BRINP2: variants seen among roughly 807,000 people sequenced by gnomAD.
BRINP2 encodes the protein BMP/retinoic acid-inducible neural-specific protein 2.
A neutral mutation model predicts 69.2 loss-of-function variants in BRINP2; 21 were observed. The observed-to-expected ratio is 0.30, with a 90% confidence interval of 0.22 to 0.44. The LOEUF is 0.44. Among genes scored for constraint, BRINP2 ranks in the 20% least tolerant of loss-of-function variants. The pLI is 1.00. For synonymous variants in BRINP2, 380 were observed against 394.1 expected, an observed-to-expected ratio of 0.96 and a Z score of 0.42; for missense variants, 877 against 986.0, an observed-to-expected ratio of 0.89 and a Z score of 1.48.
At chr1:177,174,955 G>T (rs1648044083) in intron 1 of BRINP2, among the ~76,000 whole-genome samples, 2 of 152,072 alleles carry the variant, frequency 1.3e-5, no homozygotes, top group South Asian at 4.1e-4. Context: ...TTATCAACAT[G>T]ATATCAAAAA....
intron 1 of BRINP2, among the ~76,000 whole-genome samples, chr1:177,188,171 C>T (rs1648485598): frequency 6.6e-6 from 1 of 152,194 alleles, no homozygotes; most frequent in South Asian, 2.1e-4. Flanking sequence ...GACTTCTTTA[C>T]AGCAGGTACT....
intron 4 of BRINP2, among the ~76,000 whole-genome samples, chr1:177,270,738 C>T (rs754313622): frequency 2.0e-4 from 30 of 152,174 alleles, no homozygotes; most frequent in Non-Finnish European, 4.0e-4. Flanking sequence ...GGCAGCTTAC[C>T]TGTAGGCAGG....
chr1:177,277,879 A>G (rs571340320), intron 6 of BRINP2, among the ~76,000 whole-genome samples: 55 of 152,302 alleles, frequency 3.6e-4, no homozygotes, highest in Admixed American at 1.7e-3. Context: ...TTCAGAAGCC[A>G]TGGTGTGCCC....
chr1:177,242,461 C>G (rs983360440), intron 2 of BRINP2, among the ~76,000 whole-genome samples: 1 of 152,138 alleles, frequency 6.6e-6, no homozygotes. Context: ...CAGAAGGCCC[C>G]CTTGATGTCC....
intron 2 of BRINP2, among the ~76,000 whole-genome samples, chr1:177,255,602 G>GT (rs1650730126): frequency 6.6e-6 from 1 of 152,228 alleles, no homozygotes; most frequent in South Asian, 2.1e-4. Context: ...TCCAATGTTT[G>GT]TTTTTTCTAC....
intron 2 of BRINP2, among the ~76,000 whole-genome samples, chr1:177,255,484 A>G (rs952629953): frequency 6.6e-6 from 1 of 152,246 alleles, no homozygotes; most frequent in South Asian, 2.1e-4. Flanking sequence ...CAGTGGTTCT[A>G]GAGCAAGCTT....
intron 2 of BRINP2, among the ~76,000 whole-genome samples, chr1:177,243,245 C>T (rs188960961): frequency 3.5e-4 from 54 of 152,200 alleles, no homozygotes; most frequent in African/African-American, 1.2e-3. Flanking sequence ...ATGCATAGAA[C>T]GCTGTACATT....
chr1:177,260,088 T>A (rs1421343060), intron 4 of BRINP2, among the ~76,000 whole-genome samples: 1 of 152,226 alleles, frequency 6.6e-6, no homozygotes. Flanking sequence ...GATGCCATTA[T>A]GAACATTTGT....
At chr1:177,216,181 A>G (rs1649369998) in intron 1 of BRINP2, among the ~76,000 whole-genome samples, 1 of 151,636 alleles carries the variant, frequency 6.6e-6, no homozygotes, top group South Asian at 2.1e-4. Context: ...TGTTTTGTGG[A>G]TATTTTCTTT....
intron 1 of BRINP2, among the ~76,000 whole-genome samples, chr1:177,204,315 C>T (rs1016035994): frequency 2.0e-5 from 3 of 152,036 alleles, no homozygotes; most frequent in African/African-American, 7.2e-5. Flanking sequence ...GTGTGAATCT[C>T]ATATGCTCTG....
At chr1:177,192,228 A>G (rs1558153836) in intron 1 of BRINP2, among the ~76,000 whole-genome samples, 1 of 152,060 alleles carries the variant, frequency 6.6e-6, no homozygotes, top group Non-Finnish European at 1.5e-5. Context: ...CAATCTCCTA[A>G]AGTTAAGAGT....
At chr1:177,253,318 A>T (rs1650641319) in intron 2 of BRINP2, among the ~76,000 whole-genome samples, 1 of 152,142 alleles carries the variant, frequency 6.6e-6, no homozygotes, top group East Asian at 1.9e-4. Flanking sequence ...GCATTTTATC[A>T]TATACCTGCT....
intron 1 of BRINP2, among the ~76,000 whole-genome samples, chr1:177,205,598 ATG>A (rs1649049745): frequency 6.6e-6 from 1 of 152,194 alleles, no homozygotes; most frequent in Non-Finnish European, 1.5e-5. Context: ...ACTTCCCTAA[ATG>A]TGTGGATTTA....
At chr1:177,233,136 G>A (rs1649913324) in intron 2 of BRINP2, among the ~76,000 whole-genome samples, 1 of 152,150 alleles carries the variant, frequency 6.6e-6, no homozygotes, top group African/African-American at 2.4e-5. Context: ...CTCTAACTTT[G>A]AGATGACTAG....
Position 177,248,462 on chromosome 1 carries a change from TGTGTGTGTGC to T in BRINP2, c.270-7447_270-7438del, listed in dbSNP as rs1306927913. On this transcript the variant is annotated intron_variant, in intron 2 of 7. Transcript: ENST00000361539. The stretch of plus-strand genomic sequence containing the variant: ...GTGTGTGTGTGTGTGTGTGCGTGCG[TGTGTGTGTGC>T]GTGTGTGTGTGTGTGTGCGTGCGTG... Among the ~76,000 whole-genome samples, 154 of 150,788 alleles carry T rather than the reference TGTGTGTGTGC, an allele frequency of 1.0e-3. 1 individual carries two copies. Among genetic ancestry groups the T allele is most frequent in the African/African-American group, 3.6e-3 (145 of 40,784 alleles).
In BRINP2 at chr1:177,192,384, T is replaced by C. The variant is rs1049427351; in HGVS notation, c.-77+20652T>C. On this transcript the variant is annotated intron_variant, in intron 1 of 7. Transcript: ENST00000361539. ...CATGCACACTTCTGCTGTAGGTGAA[T>C]GGGTCTGGTAATTATCAAAGGATTA... Among the ~76,000 whole-genome samples, 3 of 152,196 alleles carry C rather than the reference T, an allele frequency of 2.0e-5. No homozygotes were observed. The East Asian group carries it at 5.8e-4, about 29-fold the overall frequency.
intron 1 of BRINP2, among the ~76,000 whole-genome samples, chr1:177,175,385 G>A (rs1648059890): frequency 1.3e-5 from 2 of 152,300 alleles, no homozygotes; most frequent in Admixed American, 1.3e-4. Flanking sequence ...CTGCCAGCCT[G>A]GGCAATGCCA....
At chr1:177,276,078 G>A in intron 5 of BRINP2, 120 bp from the exon 6 acceptor site, 7 of 921,250 alleles carry the variant, frequency 7.6e-6, no homozygotes, top group Non-Finnish European at 1.2e-5. Context: ...TGGTGCCCAT[G>A]CTTGGGCCCA....
chr1:177,192,610 A>T lies in BRINP2; in HGVS notation c.-77+20878A>T, dbSNP rs1169531177. Among the ~76,000 whole-genome samples the T allele has an allele frequency of 2.0e-5, 3 of 152,328 alleles. No homozygotes were observed. In the East Asian group the frequency reaches 5.8e-4, roughly 29 times the overall value. Reference sequence around the variant, plus strand: ...TAAGAACATCACTCATCTCCCTGGTATAGATGAGTTTCAACTTTTATTACT... The same window carrying T: ...TAAGAACATCACTCATCTCCCTGGTTTAGATGAGTTTCAACTTTTATTACT... On this transcript the variant is annotated intron_variant, in intron 1 of 7. Coordinates refer to ENST00000361539, the MANE Select transcript of BRINP2 (RefSeq NM_021165.4).
Sources: allele counts gnomAD v4.1 joint callset (sites outside exome capture counted in the v4.1 genomes callset), GRCh38; gene constraint gnomAD v4.1.1; transcripts MANE v1.5; gene names NCBI Gene and HGNC (gene_info 2026-07-23, HGNC 2026-07-21).